FRMD5: variants seen among roughly 807,000 people sequenced by gnomAD.
FRMD5 encodes the protein FERM domain containing 5.
FRMD5 carries 20 observed loss-of-function variants against 69.0 expected under a neutral mutation model. The ratio of observed to expected loss-of-function variants is 0.29; its 90% CI spans 0.20 to 0.42. The LOEUF (loss-of-function observed/expected upper bound fraction) is 0.42. Ranked by LOEUF, FRMD5 falls within the 10% of genes least tolerant of loss-of-function variation. The probability of loss-of-function intolerance (pLI) is 1.00; values close to 1 mark genes in which losing one functional copy is unlikely to be tolerated. For missense variants in FRMD5, 595 were observed against 708.6 expected, an observed-to-expected ratio of 0.84 and a Z score of 1.82; for synonymous variants, 271 against 260.1, an observed-to-expected ratio of 1.04 and a Z score of -0.40.
intron 7 of FRMD5, among the ~76,000 whole-genome samples, chr15:43,892,626 AAGT>A (rs1237003357): frequency 3.9e-5 from 6 of 152,200 alleles, no homozygotes; most frequent in African/African-American, 1.4e-4. Context: ...ATGAATAAAC[AAGT>A]AGTATCATGA....
intron 1 of FRMD5, among the ~76,000 whole-genome samples, chr15:44,048,864 G>T (rs1013068406): frequency 1.3e-5 from 2 of 152,118 alleles, no homozygotes; most frequent in African/African-American, 2.4e-5. Context: ...GAGCCACCAT[G>T]CCCGGCCTCA....
rs1231870733 is a variant in FRMD5 at position 43,989,629 on chromosome 15, C to T, written c.103-65320G>A. ...TGAGGACCTTCATGAGGTAGTCAGT[C>T]AGGTCCTGACCAGCCAGGCACACAC... On this transcript the variant is annotated intron_variant, in intron 1 of 13. Coordinates refer to ENST00000417257, the MANE Select transcript of FRMD5 (RefSeq NM_032892.5). 4 of 865,996 alleles carry T rather than the reference C, an allele frequency of 4.6e-6. No individual in the cohort carries two copies. In the African/African-American group the frequency reaches 6.6e-5, roughly 14 times the overall value. The allele number at this position is 865,996 out of a possible 1,614,324, so 53.6% of individuals were successfully genotyped here.
At chr15:44,046,979 C>T (rs922257022) in intron 1 of FRMD5, among the ~76,000 whole-genome samples, 12 of 152,122 alleles carry the variant, frequency 7.9e-5, no homozygotes, top group African/African-American at 2.4e-4. Context: ...ACTGTGAGGA[C>T]GTCCTCTTAG....
At chr15:44,194,375 C>G in intron 1 of FRMD5, 1 of 156,024 alleles carries the variant, frequency 6.4e-6, no homozygotes, top group Admixed American at 6.4e-5. Context: ...GGGAGGGGGC[C>G]TAAATCTCTA....
intron 1 of FRMD5, among the ~76,000 whole-genome samples, chr15:44,156,420 A>C (rs2077529206): frequency 6.6e-6 from 1 of 152,258 alleles, no homozygotes; most frequent in African/African-American, 2.4e-5. Context: ...CTGGGATTAC[A>C]GGCGTGGGCC....
chr15:43,999,933 A>G (rs1268824280), intron 1 of FRMD5, among the ~76,000 whole-genome samples: 1 of 139,888 alleles, frequency 7.1e-6, no homozygotes, highest in African/African-American at 3.0e-5. Flanking sequence ...GTATATATAT[A>G]TATATATATA....
At chr15:44,159,268 G>A (rs144597588) in intron 1 of FRMD5, among the ~76,000 whole-genome samples, 9 of 152,234 alleles carry the variant, frequency 5.9e-5, no homozygotes, top group African/African-American at 2.2e-4. Flanking sequence ...ACGTTTGGGA[G>A]GGTAGAAACA....
intron 1 of FRMD5, among the ~76,000 whole-genome samples, chr15:43,979,826 G>T (rs975928231): frequency 6.6e-6 from 1 of 152,018 alleles, no homozygotes; most frequent in African/African-American, 2.4e-5. Context: ...GTCCCTGAAT[G>T]GTTAAATAAT....
chr15:44,070,027 G>C (rs1274866479), intron 1 of FRMD5, among the ~76,000 whole-genome samples: 1 of 152,136 alleles, frequency 6.6e-6, no homozygotes, highest in Non-Finnish European at 1.5e-5. Context: ...GGAACACAAG[G>C]TCTCTTAATG....
chr15:44,001,559 C>A (rs1329502385), intron 1 of FRMD5, among the ~76,000 whole-genome samples: 1 of 151,014 alleles, frequency 6.6e-6, no homozygotes, highest in Non-Finnish European at 1.5e-5. Flanking sequence ...AATCTTTAAT[C>A]CATTTTGAGT....
intron 1 of FRMD5, among the ~76,000 whole-genome samples, chr15:44,040,992 C>CAAAAAAAAAAAAAAAAAA (rs71421819): frequency 5.7e-5 from 1 of 17,498 alleles, no homozygotes; most frequent in African/African-American, 1.7e-4. Flanking sequence ...AAATGGAAAG[C>CAAAAAAAAAAAAAAAAAA]AAAAAAAAAA....
chr15:44,115,531 TTATA>T (rs2076856403), intron 1 of FRMD5, among the ~76,000 whole-genome samples: 1 of 152,202 alleles, frequency 6.6e-6, no homozygotes, highest in South Asian at 2.1e-4. Flanking sequence ...AGGGATGATA[TTATA>T]TGAAACTACA....
At chr15:44,099,141 G>A (rs1022339686) in intron 1 of FRMD5, among the ~76,000 whole-genome samples, 24 of 152,154 alleles carry the variant, frequency 1.6e-4, no homozygotes, top group African/African-American at 5.8e-4. Flanking sequence ...TGTAGTTCTA[G>A]TAAGTTCACA....
intron 2 of FRMD5, among the ~76,000 whole-genome samples, chr15:43,923,015 C>T (rs544222308): frequency 6.6e-6 from 1 of 152,286 alleles, no homozygotes; most frequent in East Asian, 1.9e-4. Flanking sequence ...CAAAGAAACA[C>T]CATCATTACC....
At chr15:44,038,308 G>T (rs1045501023) in intron 1 of FRMD5, among the ~76,000 whole-genome samples, 1 of 151,970 alleles carries the variant, frequency 6.6e-6, no homozygotes, top group Non-Finnish European at 1.5e-5. Flanking sequence ...GATCCCATTT[G>T]TCAATTTTAG....
At chr15:43,988,947 G>A (rs1380250212) in intron 1 of FRMD5, 2 of 586,132 alleles carry the variant, frequency 3.4e-6, no homozygotes, top group Admixed American at 4.0e-5. Flanking sequence ...CCTGAGTCGA[G>A]CCAAACAAAA....
intron 1 of FRMD5, among the ~76,000 whole-genome samples, chr15:43,951,979 GT>G (rs368475469): frequency 0.15 from 22,327 of 145,558 alleles, 3,588 homozygotes; most frequent in African/African-American, 0.41. Flanking sequence ...GTGTGTGTGT[GT>G]TGTGTGTGTG....
At chr15:44,161,077 A>G (rs2077609235) in intron 1 of FRMD5, among the ~76,000 whole-genome samples, 1 of 152,182 alleles carries the variant, frequency 6.6e-6, no homozygotes, top group Non-Finnish European at 1.5e-5. Context: ...CAGGATCAGC[A>G]TATTATTTTA....
At chr15:44,112,864 G>A (rs543950940) in intron 1 of FRMD5, among the ~76,000 whole-genome samples, 1 of 151,824 alleles carries the variant, frequency 6.6e-6, no homozygotes, top group Non-Finnish European at 1.5e-5. Flanking sequence ...CAAAGTGCTG[G>A]GACTACAGGC....
Sources: allele counts gnomAD v4.1 joint callset (sites outside exome capture counted in the v4.1 genomes callset), GRCh38; gene constraint gnomAD v4.1.1; transcripts MANE v1.5; gene names NCBI Gene and HGNC (gene_info 2026-07-23, HGNC 2026-07-21).